RBFOX1: variants seen among roughly 807,000 people sequenced by gnomAD.
The protein encoded by RBFOX1 is RNA binding protein fox-1 homolog 1.
A neutral mutation model predicts 57.7 loss-of-function variants in RBFOX1; 8 were observed. The ratio of observed to expected loss-of-function variants is 0.14; its 90% CI spans 0.08 to 0.25. RBFOX1 has a LOEUF of 0.25. RBFOX1 is among the 10% of genes least tolerant of loss of function. The pLI, the probability that RBFOX1 is intolerant of heterozygous loss-of-function variation, is 1.00. For missense variants in RBFOX1, 611 were observed against 548.5 expected, an observed-to-expected ratio of 1.11 and a Z score of -1.14; for synonymous variants, 326 against 222.4, an observed-to-expected ratio of 1.47 and a Z score of -4.15.
intron 4 of RBFOX1, among the ~76,000 whole-genome samples, chr16:7,058,384 T>C (rs898945900): frequency 4.6e-5 from 7 of 152,054 alleles, no homozygotes; most frequent in Non-Finnish European, 2.9e-5. Flanking sequence ...GAGCATCTCT[T>C]TGCACTTTGA....
At chr16:6,123,701 C>T (rs4786823) in intron 1 of RBFOX1, among the ~76,000 whole-genome samples, 101,509 of 152,080 alleles carry the variant, frequency 0.67, 35,411 homozygotes, top group African/African-American at 0.88. Flanking sequence ...GCTCAGAAGT[C>T]CAAGACCAGC....
At chr16:5,643,902 T>C (rs554825293) in intron 3 of RBFOX1, among the ~76,000 whole-genome samples, 1 of 152,346 alleles carries the variant, frequency 6.6e-6, no homozygotes, top group Admixed American at 6.5e-5. Context: ...TTAAAAATCT[T>C]TTCTTTCCCT....
chr16:6,970,201 C>A (rs941753695), intron 3 of RBFOX1, among the ~76,000 whole-genome samples: 8 of 151,702 alleles, frequency 5.3e-5, no homozygotes, highest in Non-Finnish European at 1.0e-4. Context: ...AAGAAAGAAA[C>A]AAAAAACCCC....
intron 1 of RBFOX1, among the ~76,000 whole-genome samples, chr16:5,404,297 C>G (rs1293841155): frequency 6.6e-6 from 1 of 152,142 alleles, no homozygotes; most frequent in East Asian, 1.9e-4. Flanking sequence ...CATTTGCACA[C>G]CTTTTAAAAG....
chr16:6,478,429 A>ATATATATATATTTTT (rs1159954387), intron 2 of RBFOX1, among the ~76,000 whole-genome samples: 2 of 24,614 alleles, frequency 8.1e-5, no homozygotes, highest in African/African-American at 1.3e-4. Context: ...ATATATATAT[A>ATATATATATATTTTT]TTTTTTTTTT....
intron 4 of RBFOX1, among the ~76,000 whole-genome samples, chr16:7,157,250 G>A (rs796214172): frequency 4.6e-5 from 7 of 152,300 alleles, no homozygotes; most frequent in African/African-American, 1.7e-4. Flanking sequence ...TGCCATGAAT[G>A]CTACCCAGGC....
At chr16:7,427,294 A>C (rs1288595840) in intron 4 of RBFOX1, among the ~76,000 whole-genome samples, 1 of 152,156 alleles carries the variant, frequency 6.6e-6, no homozygotes, top group Non-Finnish European at 1.5e-5. Context: ...TAAAACCTCG[A>C]GTTTCTGATT....
chr16:6,733,928 T>C (rs17141186), intron 3 of RBFOX1, among the ~76,000 whole-genome samples: 2,530 of 152,290 alleles, frequency 0.017, 159 homozygotes, highest in Admixed American at 0.11. Flanking sequence ...AGTTCTTAGA[T>C]AGTCTGAATA....
rs114092545 is a variant in RBFOX1 at position 7,454,961 on chromosome 16, C to T, written c.28-63186C>T. Among the ~76,000 whole-genome samples, 681 of 152,288 alleles carry T rather than the reference C, an allele frequency of 4.5e-3. 8 individuals carry two copies. Among genetic ancestry groups the T allele is most frequent in the African/African-American group, 0.016 (651 of 41,560 alleles). On this transcript the variant is annotated intron_variant, in intron 4 of 15. Coordinates refer to ENST00000550418, the MANE Select transcript of RBFOX1 (RefSeq NM_018723.4). ...CCCTTTTCCCAGCCCTGGGCCATAC[C>T]CTTTTCCAATAATAAAGCCCATTTT...
At chr16:7,199,956 A>T (rs539418129) in intron 4 of RBFOX1, among the ~76,000 whole-genome samples, 1 of 152,312 alleles carries the variant, frequency 6.6e-6, no homozygotes, top group East Asian at 1.9e-4. Flanking sequence ...AAGAACAAAC[A>T]ACGTGTTGGG....
chr16:6,526,063 A>G (rs1277061150), intron 2 of RBFOX1, among the ~76,000 whole-genome samples: 1 of 152,208 alleles, frequency 6.6e-6, no homozygotes, highest in Non-Finnish European at 1.5e-5. Flanking sequence ...CATCACTTAC[A>G]TGACCAGGTT....
At chr16:5,990,420 G>T (rs552639147) in intron 4 of RBFOX1, among the ~76,000 whole-genome samples, 14 of 152,312 alleles carry the variant, frequency 9.2e-5, no homozygotes, top group Non-Finnish European at 1.6e-4. Context: ...TACGTGTTAT[G>T]ACCAAACTTA....
intron 4 of RBFOX1, among the ~76,000 whole-genome samples, chr16:5,902,714 C>A (rs1193281734): frequency 6.6e-6 from 1 of 152,130 alleles, no homozygotes; most frequent in Non-Finnish European, 1.5e-5. Context: ...CCGTGCCCGG[C>A]CTTATTTAAT....
chr16:6,020,818 G>A (rs1043806976), intron 1 of RBFOX1, among the ~76,000 whole-genome samples: 5 of 152,200 alleles, frequency 3.3e-5, no homozygotes, highest in African/African-American at 1.2e-4. Context: ...GTGAGCTCCT[G>A]GAGCCTCCCT....
At chr16:6,955,692 T>TG (rs1239869023) in intron 3 of RBFOX1, among the ~76,000 whole-genome samples, 47 of 150,976 alleles carry the variant, frequency 3.1e-4, no homozygotes, top group African/African-American at 9.8e-4. Flanking sequence ...TATGTATGTA[T>TG]TTATTTATTT....
intron 5 of RBFOX1, among the ~76,000 whole-genome samples, chr16:7,543,199 G>C (rs774833074): frequency 2.0e-4 from 31 of 152,192 alleles, no homozygotes; most frequent in Admixed American, 7.2e-4. Flanking sequence ...CAAAGCCTTA[G>C]GGAATGGCCA....
chr16:7,045,705 A>G (rs1294275980), intron 3 of RBFOX1, among the ~76,000 whole-genome samples: 2 of 151,762 alleles, frequency 1.3e-5, no homozygotes, highest in African/African-American at 4.8e-5. Context: ...CCCAGGCTGG[A>G]GTGCAGTGGC....
chr16:5,504,202 C>T (rs2043298767), intron 2 of RBFOX1, among the ~76,000 whole-genome samples: 1 of 152,178 alleles, frequency 6.6e-6, no homozygotes, highest in Non-Finnish European at 1.5e-5. Flanking sequence ...GCAGCAGCAC[C>T]CCTGGAGCAT....
intron 2 of RBFOX1, among the ~76,000 whole-genome samples, chr16:5,583,380 A>G (rs762185513): frequency 3.9e-5 from 6 of 152,352 alleles, no homozygotes; most frequent in Middle Eastern, 3.4e-3. Context: ...GGCCAATCCC[A>G]GCGGCCATAC....
Sources: allele counts gnomAD v4.1 joint callset (sites outside exome capture counted in the v4.1 genomes callset), GRCh38; gene constraint gnomAD v4.1.1; transcripts MANE v1.5; gene names NCBI Gene and HGNC (gene_info 2026-07-23, HGNC 2026-07-21).